Variants in CR1L observed in about 807,000 individuals in gnomAD.
The protein encoded by CR1L is complement component receptor 1-like protein.
A neutral mutation model predicts 62.3 loss-of-function variants in CR1L; 59 were observed. The observed-to-expected ratio is 0.95, with a 90% CI of 0.77 to 1.18. CR1L has a LOEUF of 1.18. Ranked by LOEUF, CR1L falls within the 50% of genes most tolerant of loss-of-function variation. The pLI, the probability that CR1L is intolerant of heterozygous loss-of-function variation, is 0.00. For synonymous variants in CR1L, 279 were observed against 248.7 expected, an observed-to-expected ratio of 1.12 and a Z score of -1.15; for missense variants, 700 against 702.8, an observed-to-expected ratio of 1.00 and a Z score of 0.04.
chr1:207,681,744 T>C (rs1260399319), intron 3 of CR1L, among the ~76,000 whole-genome samples: 1 of 152,092 alleles, frequency 6.6e-6, no homozygotes, highest in African/African-American at 2.4e-5. Context: ...ATAACCTCAG[T>C]GGGGTCAAAA....
chr1:207,682,755 G>A (rs1298227407), intron 3 of CR1L, among the ~76,000 whole-genome samples: 1 of 152,146 alleles, frequency 6.6e-6, no homozygotes, highest in Non-Finnish European at 1.5e-5. Flanking sequence ...CCCTCACTAT[G>A]ACTAGTTTGG....
Position 207,645,197 on chromosome 1 carries a change from C to G in CR1L, c.-37C>G. ...TCGGCTGGCTTTCGGTTTCTCTGCT[C>G]ACCTCCGGATAAATCACGGGGTCTC... On this transcript the variant is annotated 5_prime_UTR_variant, in exon 1 of 12. Transcript: ENST00000508064. 1 of 1,605,834 alleles carries G rather than the reference C, an allele frequency of 6.2e-7. No homozygotes were observed. The highest frequency in any genetic ancestry group is 8.5e-7 in the Non-Finnish European group (1 of 1,175,136).
chr1:207,676,618 G>A (rs1164003866), intron 1 of CR1L, among the ~76,000 whole-genome samples: 1 of 152,112 alleles, frequency 6.6e-6, no homozygotes, highest in Non-Finnish European at 1.5e-5. Context: ...AAAAGATTGG[G>A]GACCAAAGTT....
Position 207,699,226 on chromosome 1 carries a change from T to C in CR1L, c.1180T>C (p.Leu394=). Residue 394 remains leucine (L), a synonymous_variant, in exon 8 of 12, where the codon TTG becomes CTG. Transcript: ENST00000508064. ...AGGCAGCTCTGCTAGTTACTGTGTT[T>C]TGGCTGGAATGGAAAGCCTTTGGAA... is the stretch of plus-strand genomic sequence containing the variant. The part of the protein sequence containing the change: ...LKGSSASYCV[L]AGMESLWNSS... The C allele has an allele frequency of 6.2e-7, 1 of 1,613,792 alleles. No homozygotes were observed. The highest frequency in any genetic ancestry group is 2.2e-5 in the East Asian group (1 of 44,886).
chr1:207,657,618 T>G (rs934222101), intron 1 of CR1L, among the ~76,000 whole-genome samples: 2 of 152,184 alleles, frequency 1.3e-5, no homozygotes, highest in African/African-American at 4.8e-5. Context: ...AAACACTGGC[T>G]TAAAAATAAG....
intron 9 of CR1L, among the ~76,000 whole-genome samples, chr1:207,703,446 G>C (rs1209424056): frequency 2.0e-5 from 3 of 152,204 alleles, no homozygotes; most frequent in Admixed American, 1.3e-4. Context: ...TATGTTTGCA[G>C]CATGGTTTAC....
intron 1 of CR1L, among the ~76,000 whole-genome samples, chr1:207,673,628 C>T (rs1216057743): frequency 6.6e-6 from 1 of 152,156 alleles, no homozygotes; most frequent in Non-Finnish European, 1.5e-5. Flanking sequence ...ACAAAATATA[C>T]CCACTAGAAT....
intron 1 of CR1L, among the ~76,000 whole-genome samples, chr1:207,669,877 T>G (rs1224836589): frequency 6.6e-6 from 1 of 151,242 alleles, no homozygotes; most frequent in Non-Finnish European, 1.5e-5. Context: ...ATTCACAGCC[T>G]CGGCTGGCTA....
intron 11 of CR1L, 78 bp downstream of exon 11, chr1:207,717,769 C>T (rs1160610384): frequency 4.5e-6 from 7 of 1,539,062 alleles, no homozygotes; most frequent in East Asian, 4.5e-5. Context: ...TAGTGACAGT[C>T]ATTTTTGCTT....
intron 9 of CR1L, 141 bp downstream of exon 9, chr1:207,701,759 G>C (rs762214574): frequency 2.6e-6 from 3 of 1,144,636 alleles, no homozygotes; most frequent in African/African-American, 3.1e-5. Context: ...TGATTGAAAT[G>C]AACAAAGATA....
At chr1:207,657,130 G>T in intron 1 of CR1L, 1 of 752,946 alleles carries the variant, frequency 1.3e-6, no homozygotes, top group South Asian at 1.5e-5. Context: ...AAGAGATTTT[G>T]TGCACATGAC....
intron 1 of CR1L, among the ~76,000 whole-genome samples, chr1:207,663,126 C>G (rs928053712): frequency 6.6e-6 from 1 of 152,228 alleles, no homozygotes; most frequent in African/African-American, 2.4e-5. Flanking sequence ...TGCCCGTTCT[C>G]AGATCTCAAG....
intron 1 of CR1L, among the ~76,000 whole-genome samples, chr1:207,672,019 A>G (rs1193031061): frequency 6.6e-6 from 1 of 151,112 alleles, no homozygotes; most frequent in Non-Finnish European, 1.5e-5. Context: ...AGAAACAAGT[A>G]ACATATTAAA....
At chr1:207,714,186 G>A (rs1188308836) in intron 10 of CR1L, among the ~76,000 whole-genome samples, 1 of 152,194 alleles carries the variant, frequency 6.6e-6, no homozygotes, top group Non-Finnish European at 1.5e-5. Context: ...ATGAAGTCAG[G>A]GGGTCATTCT....
At position 207,710,611 on chromosome 1, in the gene CR1L, A is replaced by G. The variant is rs529594625; in HGVS notation, c.1414+2348A>G. The G allele has an allele frequency of 3.4e-4, 547 of 1,610,072 alleles. 1 individual carries two copies. Among genetic ancestry groups the G allele is most frequent in the Admixed American group, 9.5e-4 (57 of 59,946 alleles). ...AGTGCATTATACCTAACAAATGCAC[A>G]CCTCCAAATGTGGAAAATGGAATAT... On this transcript the variant is annotated intron_variant, in intron 10 of 11. Transcript: ENST00000508064.
intron 4 of CR1L, among the ~76,000 whole-genome samples, chr1:207,691,182 C>T (rs958129629): frequency 1.3e-5 from 2 of 152,134 alleles, no homozygotes; most frequent in East Asian, 3.9e-4. Flanking sequence ...TAAATAATTG[C>T]ATTTGTTAAA....
At chr1:207,700,854 C>A (rs1302150235) in intron 8 of CR1L, among the ~76,000 whole-genome samples, 1 of 152,156 alleles carries the variant, frequency 6.6e-6, no homozygotes, top group Non-Finnish European at 1.5e-5. Flanking sequence ...AATGAGTAAC[C>A]CTTCAAAACG....
At chr1:207,697,202 T>C (rs966979777) in intron 5 of CR1L, among the ~76,000 whole-genome samples, 6 of 152,190 alleles carry the variant, frequency 3.9e-5, no homozygotes, top group African/African-American at 1.4e-4. Flanking sequence ...GGGTGAACAG[T>C]AATTGGAAGC....
chr1:207,697,843 G>C lies in CR1L; in HGVS notation c.1112G>C (p.Gly371Ala). 6.2e-7 allele frequency: 1 copy of C among 1,613,878 alleles called. No individual in the cohort carries two copies. Among genetic ancestry groups the C allele is most frequent in the Non-Finnish European group, 8.5e-7 (1 of 1,179,864 alleles). Reference sequence around the variant, plus strand: ...CTATTTCCACTTAATCTCCAGCTTGGAGCAAAAGTGGATTTTGTTTGTGAT... The same window carrying C: ...CTATTTCCACTTAATCTCCAGCTTGCAGCAAAAGTGGATTTTGTTTGTGAT... ...HVLFPLNLQL[G>A]AKVDFVCDEG... The change falls in exon 7 of 12, where the codon GGA (glycine) becomes GCA (alanine). Residue 371 changes from glycine (G) to alanine (A), a missense_variant. Physicochemically the swap from Gly to Ala is moderately conservative, Grantham distance 60. Coordinates refer to ENST00000508064, the MANE Select transcript of CR1L (RefSeq NM_175710.2).
Sources: gnomAD v4.1 joint callset for allele counts (sites outside exome capture counted in the v4.1 genomes callset) on GRCh38, gnomAD v4.1.1 for gene constraint, MANE v1.5 for transcripts, NCBI Gene and HGNC (gene_info 2026-07-23, HGNC 2026-07-21) for gene names.